Variants in CSMD1 observed in about 807,000 individuals in gnomAD.
The protein encoded by CSMD1 is CUB and Sushi multiple domains 1, also known as CUB and sushi domain-containing protein 1.
Under a neutral mutation model 417.5 loss-of-function variants are expected in CSMD1, and 213 were observed. That is an observed-to-expected ratio of 0.51 (90% confidence interval 0.46 to 0.57). The LOEUF (loss-of-function observed/expected upper bound fraction) is 0.57, where lower values mean the gene tolerates loss of function less well. Among genes scored for constraint, CSMD1 ranks in the 20% least tolerant of loss-of-function variants. The probability of loss-of-function intolerance (pLI) is 0.00; values close to 1 mark genes in which losing one functional copy is unlikely to be tolerated. For synonymous variants in CSMD1, 2,862 were observed against 1,736.8 expected (o/e 1.65, Z -16.11); for missense variants, 6,923 against 4,529.7 (o/e 1.53, Z -15.17).
chr8:3,558,453 T>A (rs74973414), intron 10 of CSMD1, among the ~76,000 whole-genome samples: 2 of 135,716 alleles, frequency 1.5e-5, no homozygotes, highest in Non-Finnish European at 3.2e-5. Flanking sequence ...CAATGATGAA[T>A]AGTGTCTCAA....
intron 5 of CSMD1, among the ~76,000 whole-genome samples, chr8:3,977,368 A>C (rs901894454): frequency 6.6e-6 from 1 of 152,188 alleles, no homozygotes; most frequent in Admixed American, 6.5e-5. Flanking sequence ...GAAGGCACTC[A>C]ATACATTTTG....
intron 3 of CSMD1, among the ~76,000 whole-genome samples, chr8:4,409,233 C>G (rs1367080173): frequency 6.6e-6 from 1 of 152,134 alleles, no homozygotes; most frequent in East Asian, 1.9e-4. Context: ...AATTCGAATG[C>G]ATTTTTACCT....
Position 3,091,519 on chromosome 8 carries a change from C to T in CSMD1, c.7282G>A (p.Ala2428Thr). 3 of 1,601,514 alleles carry T rather than the reference C, an allele frequency of 1.9e-6. No individual in the cohort carries two copies. Among genetic ancestry groups the T allele is most frequent in the Non-Finnish European group, 2.5e-6 (3 of 1,176,790 alleles). ...AATCTAAACCTCATTTACTTACCTG[C>T]ATAGCGAATCTTGAATCCTTTCTTA... is the stretch of plus-strand genomic sequence containing the variant. ...TSKKGFKIRY[A>T]APYCSLTHPL... Residue 2428 changes from alanine (A) to threonine (T), a missense_variant, in exon 48 of 70, where the codon GCA becomes ACA. Transcript: ENST00000635120.
At chr8:4,744,818 A>G (rs1810849891) in intron 1 of CSMD1, among the ~76,000 whole-genome samples, 1 of 152,148 alleles carries the variant, frequency 6.6e-6, no homozygotes, top group African/African-American at 2.4e-5. Flanking sequence ...AAAAACATAA[A>G]ACACCCATAA....
intron 3 of CSMD1, among the ~76,000 whole-genome samples, chr8:4,268,358 C>T (rs897017997): frequency 6.6e-6 from 1 of 152,046 alleles, no homozygotes; most frequent in Non-Finnish European, 1.5e-5. Flanking sequence ...TAATGTTTTC[C>T]TCTTGGATCA....
At chr8:2,977,868 C>T (rs1226631567) in intron 55 of CSMD1, among the ~76,000 whole-genome samples, 1 of 152,116 alleles carries the variant, frequency 6.6e-6, no homozygotes, top group Non-Finnish European at 1.5e-5. Flanking sequence ...ATCAAAACTA[C>T]AATGAGATAC....
intron 3 of CSMD1, among the ~76,000 whole-genome samples, chr8:4,366,988 T>C (rs1200195265): frequency 6.6e-6 from 1 of 152,216 alleles, no homozygotes; most frequent in Non-Finnish European, 1.5e-5. Context: ...TCTCCCATTC[T>C]GGAGGTTGTC....
intron 5 of CSMD1, among the ~76,000 whole-genome samples, chr8:3,841,519 C>T (rs1803130894): frequency 6.6e-6 from 1 of 152,062 alleles, no homozygotes; most frequent in Non-Finnish European, 1.5e-5. Context: ...GTGGGGATGT[C>T]TAGGGACTTG....
chr8:4,318,042 A>T (rs1799037748), intron 3 of CSMD1, among the ~76,000 whole-genome samples: 1 of 152,148 alleles, frequency 6.6e-6, no homozygotes, highest in Non-Finnish European at 1.5e-5. Context: ...CAATATATAA[A>T]ATTGTGCGTT....
chr8:4,866,336 T>C (rs1247395565), intron 1 of CSMD1, among the ~76,000 whole-genome samples: 1 of 152,042 alleles, frequency 6.6e-6, no homozygotes, highest in African/African-American at 2.4e-5. Context: ...GAGATTTCTT[T>C]ACAAACTGAC....
intron 23 of CSMD1, among the ~76,000 whole-genome samples, chr8:3,313,679 A>G (rs1805532647): frequency 6.6e-6 from 1 of 152,190 alleles, no homozygotes; most frequent in Non-Finnish European, 1.5e-5. Flanking sequence ...GTGGGACTGT[A>G]AACGAGTTCA....
chr8:3,139,138 C>T (rs1283945751), intron 41 of CSMD1, among the ~76,000 whole-genome samples: 1 of 152,154 alleles, frequency 6.6e-6, no homozygotes, highest in Non-Finnish European at 1.5e-5. Context: ...GTGCCTGCGT[C>T]ATTCCCAGAG....
intron 8 of CSMD1, among the ~76,000 whole-genome samples, chr8:3,610,512 C>G (rs899663620): frequency 4.4e-4 from 47 of 106,688 alleles, no homozygotes; most frequent in Admixed American, 3.6e-3. Context: ...CAGATTGTCT[C>G]TATAAAAATA....
intron 3 of CSMD1, among the ~76,000 whole-genome samples, chr8:4,356,776 C>G (rs1463347670): frequency 1.3e-5 from 2 of 152,148 alleles, no homozygotes; most frequent in Non-Finnish European, 2.9e-5. Flanking sequence ...GAGTTCTTCT[C>G]TCAAAGCAGT....
At chr8:3,495,362 T>C (rs1161643896) in intron 10 of CSMD1, among the ~76,000 whole-genome samples, 1 of 152,196 alleles carries the variant, frequency 6.6e-6, no homozygotes, top group Non-Finnish European at 1.5e-5. Flanking sequence ...GCGATGATAA[T>C]TCATTAAGGT....
chr8:4,161,075 T>G (rs1002464121), intron 3 of CSMD1, among the ~76,000 whole-genome samples: 2 of 151,814 alleles, frequency 1.3e-5, no homozygotes, highest in African/African-American at 4.8e-5. Flanking sequence ...GCAGGAAATG[T>G]AAATAATGTA....
chr8:3,674,375 G>A (rs774638303), intron 7 of CSMD1, among the ~76,000 whole-genome samples: 32 of 152,118 alleles, frequency 2.1e-4, no homozygotes, highest in Non-Finnish European at 3.4e-4. Context: ...CACGAGCTAA[G>A]TAGAAGCCAT....
At chr8:4,729,607 A>G (rs988889756) in intron 1 of CSMD1, among the ~76,000 whole-genome samples, 12 of 152,180 alleles carry the variant, frequency 7.9e-5, no homozygotes, top group Admixed American at 1.3e-4. Flanking sequence ...AAAAGACGTT[A>G]ATCTGTGAGC....
chr8:4,721,808 G>C (rs1356780888), intron 1 of CSMD1, among the ~76,000 whole-genome samples: 1 of 152,102 alleles, frequency 6.6e-6, no homozygotes, highest in African/African-American at 2.4e-5. Flanking sequence ...AAGAACCTAG[G>C]CATCCACCAA....
Sources: gnomAD v4.1 joint callset for allele counts (sites outside exome capture counted in the v4.1 genomes callset) on GRCh38, gnomAD v4.1.1 for gene constraint, MANE v1.5 for transcripts, NCBI Gene and HGNC (gene_info 2026-07-23, HGNC 2026-07-21) for gene names.